The following AAGAB variants were observed in gnomAD, a reference collection of about 807,000 sequenced individuals.
AAGAB encodes alpha and gamma adaptin binding protein.
AAGAB carries 38 observed loss-of-function variants against 44.1 expected under a neutral mutation model. The ratio of observed to expected loss-of-function variants is 0.86; its 90% CI spans 0.67 to 1.13. The LOEUF (loss-of-function observed/expected upper bound fraction) is 1.13. AAGAB is among the 50% of genes most tolerant of loss of function. The pLI is 0.00. For synonymous variants in AAGAB, 131 were observed against 131.8 expected, an observed-to-expected ratio of 0.99 and a Z score of 0.04; for missense variants, 450 against 373.8, an observed-to-expected ratio of 1.20 and a Z score of -1.68.
rs867797999 is a variant in AAGAB at position 67,204,146 on chromosome 15, G to A, written c.718C>T (p.Pro240Ser). 6.3e-7 allele frequency: 1 copy of A among 1,591,394 alleles called. No individual in the cohort carries two copies. The highest frequency in any genetic ancestry group is 1.7e-5 in the Admixed American group (1 of 59,504). Reference sequence around the variant, plus strand: ...TCTTGAATATCCAGATCTAACATGGGATCTGAAATAGGGATTTGTCACATT... The same window carrying A: ...TCTTGAATATCCAGATCTAACATGGAATCTGAAATAGGGATTTGTCACATT... ...TDAQVDSIVD[P>S]MLDLDIQELA... is the part of the protein sequence containing the mutation. The change falls in exon 8 of 10, where the codon CCC (proline) becomes TCC (serine). Residue 240 changes from proline (P) to serine (S), a missense_variant and splice_region_variant. Transcript: ENST00000261880.
chr15:67,249,234 T>C (rs996589131), intron 1 of AAGAB, among the ~76,000 whole-genome samples: 1 of 152,042 alleles, frequency 6.6e-6, no homozygotes, highest in African/African-American at 2.4e-5. Flanking sequence ...GGGGTTTCAC[T>C]ATGTTGGCCA....
intron 1 of AAGAB, among the ~76,000 whole-genome samples, chr15:67,237,167 T>C (rs1964490850): frequency 6.6e-6 from 1 of 152,188 alleles, no homozygotes; most frequent in South Asian, 2.1e-4. Flanking sequence ...ATTGCTTAAG[T>C]ACTTCATAGG....
At chr15:67,254,831 T>A (rs544092628), upstream of AAGAB, 4 of 1,539,044 alleles carry the variant, frequency 2.6e-6, no homozygotes, top group African/African-American at 2.7e-5. Context: ...GACGAGCGGC[T>A]CCGGCTGAAG....
intron 5 of AAGAB, among the ~76,000 whole-genome samples, chr15:67,211,058 G>A (rs1014655457): frequency 6.6e-6 from 1 of 152,102 alleles, no homozygotes; most frequent in African/African-American, 2.4e-5. Context: ...GAGAAACTTC[G>A]CAGTGTCCTT....
At chr15:67,243,033 G>A (rs930406685) in intron 1 of AAGAB, among the ~76,000 whole-genome samples, 2 of 152,062 alleles carry the variant, frequency 1.3e-5, no homozygotes, top group African/African-American at 4.8e-5. Context: ...ACATTTTAAA[G>A]CTGAAGCAGA....
At chr15:67,253,431 A>G (rs1567036049) in intron 1 of AAGAB, among the ~76,000 whole-genome samples, 1 of 151,982 alleles carries the variant, frequency 6.6e-6, no homozygotes, top group Non-Finnish European at 1.5e-5. Context: ...CTATCTCAAA[A>G]CAAAAATAAA....
chr15:67,235,128 T>C (rs1964430583), intron 4 of AAGAB, among the ~76,000 whole-genome samples: 1 of 152,202 alleles, frequency 6.6e-6, no homozygotes, highest in African/African-American at 2.4e-5. Context: ...TCTCCAGCAG[T>C]CCTCTCACTA....
At chr15:67,215,388 C>G (rs572685515) in intron 5 of AAGAB, among the ~76,000 whole-genome samples, 14 of 152,074 alleles carry the variant, frequency 9.2e-5, no homozygotes, top group African/African-American at 3.4e-4. Flanking sequence ...TTTTTATATA[C>G]GACTCAAATA....
chr15:67,213,502 C>T (rs1236440435), intron 5 of AAGAB, among the ~76,000 whole-genome samples: 2 of 152,132 alleles, frequency 1.3e-5, no homozygotes, highest in African/African-American at 2.4e-5. Flanking sequence ...AATTCAAAAC[C>T]TAGGCAAAGA....
chr15:67,222,054 AC>A (rs1348836628), intron 5 of AAGAB, among the ~76,000 whole-genome samples: 1 of 152,012 alleles, frequency 6.6e-6, no homozygotes, highest in Non-Finnish European at 1.5e-5. Flanking sequence ...ACTCAAAACT[AC>A]CATCTTTTTA....
At chr15:67,226,280 G>A (rs200008441) in intron 5 of AAGAB, among the ~76,000 whole-genome samples, 56 of 152,012 alleles carry the variant, frequency 3.7e-4, no homozygotes, top group South Asian at 1.9e-3. Flanking sequence ...CTACAGGTCC[G>A]GTTGATTTTT....
intron 6 of AAGAB, among the ~76,000 whole-genome samples, 192 bp from the exon 7 acceptor site, chr15:67,208,850 C>T (rs755313695): frequency 4.6e-5 from 7 of 152,108 alleles, no homozygotes; most frequent in Admixed American, 6.5e-5. Context: ...AGTACTTTCC[C>T]CCAAGGAAGA....
chr15:67,236,480 A>G lies in AAGAB; in HGVS notation c.289T>C (p.Ser97Pro). The change falls in exon 3 of 10, where the codon TCA (serine) becomes CCA (proline). Residue 97 changes from serine (S) to proline (P), a missense_variant. Coordinates refer to ENST00000261880, the MANE Select transcript of AAGAB (RefSeq NM_024666.5). ...CATGCTTTTGCCAGTGGAAGCCATG[A>G]GGAGACACTATCAAGGCCCGATTTC... is the stretch of plus-strand genomic sequence containing the variant. The part of the protein sequence containing the change: ...TQKSGLDSVS[S>P]WLPLAKAWLP... The G allele has an allele frequency of 6.2e-7, 1 of 1,614,170 alleles. No homozygotes were observed. The highest frequency in any genetic ancestry group is 8.5e-7 in the Non-Finnish European group (1 of 1,180,010).
upstream of AAGAB, chr15:67,254,754 C>A: frequency 7.5e-7 from 1 of 1,336,766 alleles, no homozygotes; most frequent in Non-Finnish European, 1.0e-6. Flanking sequence ...CTGGCCTGAC[C>A]CCGCCCCTAG....
At chr15:67,217,079 T>TA (rs1490377207) in intron 5 of AAGAB, among the ~76,000 whole-genome samples, 1 of 150,802 alleles carries the variant, frequency 6.6e-6, no homozygotes, top group Admixed American at 6.6e-5. Flanking sequence ...CACACACAGA[T>TA]AGAGATCAAC....
chr15:67,237,144 C>T (rs1256696534), intron 1 of AAGAB, among the ~76,000 whole-genome samples: 1 of 152,120 alleles, frequency 6.6e-6, no homozygotes, highest in Non-Finnish European at 1.5e-5. Context: ...AGAATGACAG[C>T]TCTATTTATT....
chr15:67,217,782 C>T (rs540049287), intron 5 of AAGAB, among the ~76,000 whole-genome samples: 90 of 152,226 alleles, frequency 5.9e-4, no homozygotes, highest in Middle Eastern at 6.8e-3. Flanking sequence ...GTGATCCACC[C>T]GCCTTGGCCT....
chr15:67,225,384 CTTCTT>C (rs573385354), intron 5 of AAGAB, among the ~76,000 whole-genome samples: 65 of 152,220 alleles, frequency 4.3e-4, no homozygotes, highest in African/African-American at 1.5e-3. Context: ...GTATCATTTC[CTTCTT>C]TTCTTTCTTT....
At chr15:67,254,037 A>T (rs1567036839) in intron 1 of AAGAB, among the ~76,000 whole-genome samples, 1 of 152,248 alleles carries the variant, frequency 6.6e-6, no homozygotes, top group Admixed American at 6.5e-5. Flanking sequence ...CGGAGAGCCC[A>T]TGCCTCAGAT....
Sources: gnomAD v4.1 joint callset for allele counts (sites outside exome capture counted in the v4.1 genomes callset) on GRCh38, gnomAD v4.1.1 for gene constraint, MANE v1.5 for transcripts, NCBI Gene and HGNC (gene_info 2026-07-23, HGNC 2026-07-21) for gene names.